Variants in TNFRSF19 observed in about 807,000 individuals in gnomAD.
TNFRSF19 encodes the protein tumor necrosis factor receptor superfamily member 19.
A neutral mutation model predicts 46.4 loss-of-function variants in TNFRSF19; 27 were observed. The observed-to-expected ratio is 0.58, with a 90% confidence interval of 0.43 to 0.80. TNFRSF19 has a LOEUF of 0.80. TNFRSF19 is among the 30% of genes least tolerant of loss of function. TNFRSF19 has a pLI of 0.00. For synonymous variants in TNFRSF19, 204 were observed against 205.0 expected (o/e 1.00, Z 0.04); for missense variants, 511 against 530.8 (o/e 0.96, Z 0.37).
chr13:23,590,087 A>G (rs1879153604), intron 1 of TNFRSF19, 63 bp from the exon 2 acceptor site: 1 of 758,990 alleles, frequency 1.3e-6, no homozygotes, highest in South Asian at 1.7e-5. Flanking sequence ...GATATTATAT[A>G]GTAAACAAAG....
At chr13:23,658,940 A>G (rs995016993) in intron 5 of TNFRSF19, 110 bp from the exon 6 acceptor site, 6 of 1,399,152 alleles carry the variant, frequency 4.3e-6, no homozygotes, top group African/African-American at 4.2e-5. Flanking sequence ...ATCTCATGCC[A>G]GTTTTCTCAC....
intron 4 of TNFRSF19, among the ~76,000 whole-genome samples, chr13:23,621,469 A>G (rs1209330852): frequency 6.6e-6 from 1 of 152,130 alleles, no homozygotes; most frequent in African/African-American, 2.4e-5. Context: ...TCCCATCCTG[A>G]CTTGACTGTG....
intron 2 of TNFRSF19, among the ~76,000 whole-genome samples, chr13:23,590,549 G>T (rs1879196339): frequency 6.6e-6 from 1 of 152,050 alleles, no homozygotes; most frequent in Non-Finnish European, 1.5e-5. Context: ...TGTCCAGGCT[G>T]GTCTTGAATA....
chr13:23,578,869 G>A (rs949573800), intron 1 of TNFRSF19, among the ~76,000 whole-genome samples: 3 of 152,220 alleles, frequency 2.0e-5, no homozygotes, highest in Non-Finnish European at 2.9e-5. Flanking sequence ...CCTGCAGGAG[G>A]CGAACTCGGG....
chr13:23,626,688 A>G lies in TNFRSF19; in HGVS notation c.360-19A>G. On this transcript the variant is annotated intron_variant, in intron 4 of 9. Transcript: ENST00000248484. ...TTAGATGAAAGAGTTAACAAGGAGTATTTTCCTTTCTCTTCTAGATTTTAT... is the reference window on the plus strand; with the variant it reads ...TTAGATGAAAGAGTTAACAAGGAGTGTTTTCCTTTCTCTTCTAGATTTTAT... The G allele has an allele frequency of 6.2e-7, 1 of 1,612,544 alleles. No homozygotes were observed. Among genetic ancestry groups the G allele is most frequent in the African/African-American group, 1.3e-5 (1 of 74,990 alleles).
chr13:23,648,494 T>G (rs879388862), intron 5 of TNFRSF19, among the ~76,000 whole-genome samples: 1 of 152,198 alleles, frequency 6.6e-6, no homozygotes, highest in Non-Finnish European at 1.5e-5. Flanking sequence ...TGTGGAATCC[T>G]TATCGTTTTC....
chr13:23,613,901 G>A (rs549940056), intron 3 of TNFRSF19, among the ~76,000 whole-genome samples: 2 of 152,262 alleles, frequency 1.3e-5, no homozygotes, highest in Admixed American at 1.3e-4. Flanking sequence ...AATTCTCCTT[G>A]AATATGCATC....
chr13:23,618,941 C>G (rs754030228), intron 4 of TNFRSF19, among the ~76,000 whole-genome samples: 1 of 152,172 alleles, frequency 6.6e-6, no homozygotes, highest in South Asian at 2.1e-4. Flanking sequence ...CCTTCTGCCA[C>G]GTAAGGACAC....
Position 23,660,401 on chromosome 13 carries a change from C to T in TNFRSF19, c.647C>T (p.Ser216Phe), listed in dbSNP as rs780900367. The T allele has an allele frequency of 8.1e-6, 13 of 1,614,008 alleles. No individual in the cohort carries two copies. In the Admixed American group the frequency reaches 2.2e-4, roughly 27 times the overall value. ...TCACAGGACATTCAGTACAACGGCTCTGAGCTGTCGTGTTTTGACAGACCT... is the reference window on the plus strand; with the variant it reads ...TCACAGGACATTCAGTACAACGGCTTTGAGCTGTCGTGTTTTGACAGACCT... ...LRSQDIQYNGSELSCFDRPQL... is the reference protein window; with the variant it reads ...LRSQDIQYNGFELSCFDRPQL... Residue 216 changes from serine (S) to phenylalanine (F), a missense_variant, in exon 7 of 10, where the codon TCT becomes TTT. Transcript: ENST00000248484.
chr13:23,654,142 C>T (rs1279858530), intron 5 of TNFRSF19, among the ~76,000 whole-genome samples: 1 of 152,156 alleles, frequency 6.6e-6, no homozygotes, highest in Non-Finnish European at 1.5e-5. Context: ...GAATGGGGCC[C>T]TTTGTTAGGA....
intron 5 of TNFRSF19, among the ~76,000 whole-genome samples, chr13:23,646,430 A>G (rs923823085): frequency 1.3e-5 from 2 of 152,188 alleles, no homozygotes; most frequent in African/African-American, 4.8e-5. Flanking sequence ...CCCATTAAAC[A>G]AAAGCTCCTG....
chr13:23,580,755 A>G (rs561350259), intron 1 of TNFRSF19, among the ~76,000 whole-genome samples: 1 of 152,380 alleles, frequency 6.6e-6, no homozygotes, highest in Admixed American at 6.5e-5. Context: ...AACACTTATC[A>G]AATTGTTCTG....
At chr13:23,590,321 G>A (rs941339494) in intron 2 of TNFRSF19, 69 bp downstream of exon 2, 5 of 947,012 alleles carry the variant, frequency 5.3e-6, no homozygotes, top group South Asian at 1.6e-5. Context: ...AGTAGTAGGA[G>A]TACCAAAATC....
intron 3 of TNFRSF19, among the ~76,000 whole-genome samples, chr13:23,601,845 C>A (rs536976132): frequency 5.9e-4 from 89 of 152,048 alleles, no homozygotes; most frequent in African/African-American, 1.9e-3. Context: ...TCTAGGGCAA[C>A]CGTTAAAACA....
chr13:23,645,851 C>T lies in TNFRSF19; in HGVS notation c.446-13199C>T, dbSNP rs529302931. 5.9e-5 allele frequency among the ~76,000 whole-genome samples: 9 copies of T among 152,332 alleles called. No individual in the cohort carries two copies. In the East Asian group the frequency reaches 1.5e-3, roughly 26 times the overall value. On this transcript the variant is annotated intron_variant, in intron 5 of 9. Transcript: ENST00000248484. Reference sequence around the variant, plus strand: ...CACGTGGATAAATAGGCATCTCAAACTTAACAATTAAAATGTTTTATACCT... The same window carrying T: ...CACGTGGATAAATAGGCATCTCAAATTTAACAATTAAAATGTTTTATACCT...
intron 3 of TNFRSF19, chr13:23,594,279 A>G: frequency 2.2e-6 from 1 of 451,886 alleles, no homozygotes; most frequent in Non-Finnish European, 4.4e-6. Flanking sequence ...GGAAAGGGGG[A>G]TGAAGCCAGG....
chr13:23,637,902 G>A (rs965289354), intron 5 of TNFRSF19, among the ~76,000 whole-genome samples: 22 of 152,324 alleles, frequency 1.4e-4, no homozygotes, highest in Admixed American at 1.3e-4. Flanking sequence ...GCTGGAGGCC[G>A]GAGCCCAAAA....
chr13:23,605,890 A>G (rs1315666939), intron 3 of TNFRSF19, among the ~76,000 whole-genome samples: 2 of 152,240 alleles, frequency 1.3e-5, no homozygotes, highest in Non-Finnish European at 2.9e-5. Context: ...GATGCATATC[A>G]TTCTGTGTTG....
At chr13:23,649,440 T>G (rs1214312879) in intron 5 of TNFRSF19, among the ~76,000 whole-genome samples, 1 of 152,088 alleles carries the variant, frequency 6.6e-6, no homozygotes, top group Non-Finnish European at 1.5e-5. Context: ...TTTAGTAATT[T>G]GACTATTCTC....
Sources: gnomAD v4.1 joint callset for allele counts (sites outside exome capture counted in the v4.1 genomes callset) on GRCh38, gnomAD v4.1.1 for gene constraint, MANE v1.5 for transcripts, NCBI Gene and HGNC (gene_info 2026-07-23, HGNC 2026-07-21) for gene names.